Variants in STK3 observed in about 807,000 individuals in gnomAD.
STK3 encodes serine/threonine kinase 3, also known as serine/threonine-protein kinase 3.
STK3 carries 41 observed loss-of-function variants against 58.0 expected under a neutral mutation model. The ratio of observed to expected loss-of-function variants is 0.71; its 90% CI spans 0.55 to 0.92. The LOEUF (loss-of-function observed/expected upper bound fraction) is 0.92. Ranked by LOEUF, STK3 falls within the 40% of genes least tolerant of loss-of-function variation. The pLI is 0.00. For synonymous variants in STK3, 170 were observed against 191.0 expected (o/e 0.89, Z 0.91); for missense variants, 479 against 602.7 (o/e 0.79, Z 2.15).
intron 7 of STK3, among the ~76,000 whole-genome samples, chr8:98,587,091 G>A (rs1465418670): frequency 7.4e-4 from 112 of 150,848 alleles, no homozygotes; most frequent in African/African-American, 2.0e-3. Flanking sequence ...TTGTGTCTCT[G>A]TTTCCTTCAG....
At chr8:98,505,256 C>A (rs1420656217) in intron 10 of STK3, among the ~76,000 whole-genome samples, 1 of 152,104 alleles carries the variant, frequency 6.6e-6, no homozygotes, top group Non-Finnish European at 1.5e-5. Context: ...CATTTAAGGT[C>A]TTCTCTACAT....
At chr8:98,778,977 A>T (rs1451222118) in intron 1 of STK3, 1 of 152,096 alleles carries the variant, frequency 6.6e-6, no homozygotes, top group Admixed American at 6.6e-5. Context: ...ACATGTATAC[A>T]TATGTAACAA....
At chr8:98,854,634 AC>A (rs1836600879) in intron 3 of STK3, among the ~76,000 whole-genome samples, 1 of 152,230 alleles carries the variant, frequency 6.6e-6, no homozygotes, top group African/African-American at 2.4e-5. Context: ...AATAAATTTA[AC>A]AAAAAAAGCA....
intron 1 of STK3, among the ~76,000 whole-genome samples, chr8:98,817,382 AG>A (rs1320268439): frequency 8.0e-5 from 12 of 150,742 alleles, no homozygotes; most frequent in African/African-American, 2.4e-5. Context: ...TGAACCTATA[AG>A]GCGGAGGTTG....
intron 8 of STK3, among the ~76,000 whole-genome samples, chr8:98,551,530 T>C (rs1483996435): frequency 6.6e-6 from 1 of 152,194 alleles, no homozygotes; most frequent in Non-Finnish European, 1.5e-5. Context: ...ATGGTCCTCA[T>C]GCATAAATGC....
At chr8:98,831,796 G>A (rs1396122928) in intron 3 of STK3, among the ~76,000 whole-genome samples, 2 of 152,090 alleles carry the variant, frequency 1.3e-5, no homozygotes, top group African/African-American at 4.8e-5. Flanking sequence ...CTAGCATGTT[G>A]CATTTGAATT....
the STK3 span, among the ~76,000 whole-genome samples, chr8:98,363,497 T>A: frequency 6.6e-6 from 1 of 152,194 alleles, no homozygotes; most frequent in African/African-American, 2.4e-5. Flanking sequence ...CATGGGGCTT[T>A]GGTTTCCTTG....
At chr8:98,742,229 T>C (rs1167442572) in intron 4 of STK3, among the ~76,000 whole-genome samples, 2 of 151,928 alleles carry the variant, frequency 1.3e-5, no homozygotes, top group East Asian at 1.9e-4. Flanking sequence ...AAACTCATTT[T>C]ATGAGGCCAG....
intron 3 of STK3, among the ~76,000 whole-genome samples, chr8:98,750,394 C>A (rs1185730591): frequency 1.4e-5 from 2 of 138,732 alleles, no homozygotes; most frequent in Non-Finnish European, 1.6e-5. Context: ...GTAATAGCTA[C>A]AATCAAAAAC....
At chr8:98,727,293 G>A (rs991923004) in intron 4 of STK3, among the ~76,000 whole-genome samples, 1 of 152,196 alleles carries the variant, frequency 6.6e-6, no homozygotes, top group African/African-American at 2.4e-5. Context: ...GGAACTGCTG[G>A]CAGACATCTT....
intron 1 of STK3, among the ~76,000 whole-genome samples, chr8:98,444,015 C>T (rs1314498203): frequency 6.6e-6 from 1 of 152,110 alleles, no homozygotes; most frequent in Non-Finnish European, 1.5e-5. Context: ...GTTCCTCCAC[C>T]CATCATTTGA....
intron 10 of STK3, among the ~76,000 whole-genome samples, chr8:98,498,651 A>T (rs929396206): frequency 6.6e-6 from 1 of 152,196 alleles, no homozygotes; most frequent in African/African-American, 2.4e-5. Context: ...TCCAATAGTA[A>T]ATTATAAGTC....
At chr8:98,405,389 G>A (rs748220022) in intron 3 of STK3, among the ~76,000 whole-genome samples, 1 of 152,192 alleles carries the variant, frequency 6.6e-6, no homozygotes, top group Non-Finnish European at 1.5e-5. Context: ...TGTCTGGCAT[G>A]TAGGCACATA....
At chr8:98,868,120 C>T (rs181985072) in intron 3 of STK3, among the ~76,000 whole-genome samples, 30 of 152,102 alleles carry the variant, frequency 2.0e-4, no homozygotes, top group South Asian at 2.1e-4. Flanking sequence ...GGAACAAGTG[C>T]CAACCACACC....
intron 3 of STK3, among the ~76,000 whole-genome samples, chr8:98,844,034 T>G (rs926527590): frequency 1.3e-5 from 2 of 152,194 alleles, no homozygotes; most frequent in African/African-American, 4.8e-5. Context: ...AGTGGCACAT[T>G]CGTCCTAGCT....
At chr8:98,902,929 T>A (rs1838714438) in intron 1 of STK3, among the ~76,000 whole-genome samples, 1 of 152,240 alleles carries the variant, frequency 6.6e-6, no homozygotes, top group South Asian at 2.1e-4. Context: ...AGAGTTAAGA[T>A]TTGAACTCAG....
chr8:98,480,557 C>T (rs564912264), intron 10 of STK3, among the ~76,000 whole-genome samples: 12 of 152,200 alleles, frequency 7.9e-5, no homozygotes, highest in African/African-American at 2.6e-4. Context: ...TCAAAAAAAA[C>T]AAGAACATTC....
intron 2 of STK3, among the ~76,000 whole-genome samples, chr8:98,378,537 AAAG>A (rs1163318570): frequency 5.3e-5 from 8 of 152,234 alleles, no homozygotes; most frequent in African/African-American, 1.9e-4. Flanking sequence ...AGGATGGATA[AAAG>A]AATAGTATTT....
At chr8:98,814,734 G>T (rs1047525676) in intron 1 of STK3, among the ~76,000 whole-genome samples, 1 of 152,112 alleles carries the variant, frequency 6.6e-6, no homozygotes, top group African/African-American at 2.4e-5. Flanking sequence ...GCCCAGGCTG[G>T]GGTGCGGTGG....
Sources: allele counts gnomAD v4.1 joint callset (sites outside exome capture counted in the v4.1 genomes callset), GRCh38; gene constraint gnomAD v4.1.1; transcripts MANE v1.5; gene names NCBI Gene and HGNC (gene_info 2026-07-23, HGNC 2026-07-21).